The following ASIC4 variants were observed in gnomAD, a reference collection of about 807,000 sequenced individuals.
The protein encoded by ASIC4 is acid sensing ion channel subunit family member 4, also known as acid-sensing ion channel 4.
Under a neutral mutation model 53.4 loss-of-function variants are expected in ASIC4, and 28 were observed. The ratio of observed to expected loss-of-function variants is 0.52; its 90% CI spans 0.39 to 0.72. The LOEUF (loss-of-function observed/expected upper bound fraction) is 0.72, where lower values mean the gene tolerates loss of function less well. Ranked by LOEUF, ASIC4 falls within the 30% of genes least tolerant of loss-of-function variation. The pLI is 0.00. For synonymous variants in ASIC4, 289 were observed against 301.4 expected, an observed-to-expected ratio of 0.96 and a Z score of 0.43; for missense variants, 649 against 729.7, an observed-to-expected ratio of 0.89 and a Z score of 1.27.
intron 1 of ASIC4, among the ~76,000 whole-genome samples, chr2:219,530,184 G>T (rs1695018906): frequency 6.6e-6 from 1 of 152,228 alleles, no homozygotes; most frequent in Non-Finnish European, 1.5e-5. Context: ...TGCTGCCTGT[G>T]ATGGGTTTGA....
At chr2:219,514,270 CTGACGCCCG>C, upstream of ASIC4, 1 of 1,462,678 alleles carries the variant, frequency 6.8e-7, no homozygotes, top group East Asian at 2.5e-5. Flanking sequence ...GGCCTGGCTC[CTGACGCCCG>C]TGCTGCCGGT....
At chr2:219,532,179 C>T in intron 3 of ASIC4, 51 bp downstream of exon 3, 3 of 1,609,802 alleles carry the variant, frequency 1.9e-6, no homozygotes, top group Non-Finnish European at 2.5e-6. Context: ...CGCCTTTGGG[C>T]TCAGAGGGGA....
Position 219,537,833 on chromosome 2 carries a change from G to A in ASIC4, c.1506+97G>A. The A allele has an allele frequency of 6.7e-7, 1 of 1,502,860 alleles. No individual in the cohort carries two copies. Among genetic ancestry groups the A allele is most frequent in the Non-Finnish European group, 9.1e-7 (1 of 1,099,700 alleles). The allele number at this position is 1,502,860 out of a possible 1,614,324, so 93.1% of individuals were successfully genotyped here. ...GAACCAGCCTGTGGAGGGGGCCCTG[G>A]AGCCTCTGCCCGAGGTGACAAGGAA... is the stretch of plus-strand genomic sequence containing the variant. On this transcript the variant is annotated intron_variant, in intron 9 of 9. Coordinates refer to ENST00000358078, the MANE Select transcript of ASIC4 (RefSeq NM_018674.6). This position sits in a 1 kb window ranked among gnomAD's most constrained non-coding sequence, Gnocchi z 4.9.
chr2:219,532,564 G>A (rs1390724817), intron 4 of ASIC4, 87 bp downstream of exon 4: 1 of 1,501,044 alleles, frequency 6.7e-7, no homozygotes, highest in Non-Finnish European at 9.0e-7. Context: ...ATGTGCACAG[G>A]CAGGTGCATG....
Position 219,514,749 on chromosome 2 carries a change from A to C in ASIC4, c.25A>C (p.Ile9Leu), listed in dbSNP as rs746222302. 1 of 1,613,562 alleles carries C rather than the reference A, an allele frequency of 6.2e-7. No individual in the cohort carries two copies. The highest frequency in any genetic ancestry group is 8.5e-7 in the Non-Finnish European group (1 of 1,179,980). MPIEIVCK[I>L]KFAEEDAKPK... ...GATGCCGATCGAGATTGTGTGCAAA[A>C]TCAAATTTGCTGAGGAGGATGCGAA... Residue 9 changes from isoleucine to leucine, a missense_variant, in exon 1 of 10, where the codon ATC becomes CTC. Physicochemically the swap from Ile to Leu is conservative, Grantham distance 5. Transcript: ENST00000358078.
At chr2:219,526,480 G>C (rs1028757837) in intron 1 of ASIC4, among the ~76,000 whole-genome samples, 1 of 152,154 alleles carries the variant, frequency 6.6e-6, no homozygotes, top group Non-Finnish European at 1.5e-5. Context: ...AAAAGGTCAG[G>C]GGGCATCCAG....
At chr2:219,527,127 G>A (rs1393824969) in intron 1 of ASIC4, among the ~76,000 whole-genome samples, 3 of 152,178 alleles carry the variant, frequency 2.0e-5, no homozygotes, top group South Asian at 2.1e-4. Flanking sequence ...CTGCCGTGCC[G>A]TCTCCATGGA....
chr2:219,516,085 G>A lies in ASIC4; in HGVS notation c.582+779G>A, dbSNP rs143983312. On this transcript the variant is annotated intron_variant, in intron 1 of 9. Coordinates refer to ENST00000358078, the MANE Select transcript of ASIC4 (RefSeq NM_018674.6). This position sits in a 1 kb window ranked among gnomAD's most constrained non-coding sequence, Gnocchi z 4.9. ...CATGCACACATGCACACGCACACAC[G>A]CACACGCACTGCTGGGGGACACAGT... Among the ~76,000 whole-genome samples, 65 of 152,118 alleles carry A rather than the reference G, an allele frequency of 4.3e-4. No homozygotes were observed. The highest frequency in any genetic ancestry group is 1.2e-3 in the African/African-American group (49 of 41,470).
rs200675297 is a variant in ASIC4 at position 219,514,843 on chromosome 2, G to A, written c.119G>A (p.Arg40Gln). The stretch of plus-strand genomic sequence containing the variant: ...GCTGTTGCCCCTGGAGCAGCCCCCC[G>A]AGACCTGGCCACCTTTGCCAGCACC... Reference protein sequence around the residue: ...LGAVAPGAAPRDLATFASTST... With the variant: ...LGAVAPGAAPQDLATFASTST... Residue 40 changes from arginine (R) to glutamine (Q), a missense_variant, in exon 1 of 10, where the codon CGA (arginine) becomes CAA (glutamine). Coordinates refer to ENST00000358078, the MANE Select transcript of ASIC4 (RefSeq NM_018674.6). 73 of 1,612,958 alleles carry A rather than the reference G, an allele frequency of 4.5e-5. No individual in the cohort carries two copies. Among genetic ancestry groups the A allele is most frequent in the Non-Finnish European group, 5.7e-5 (67 of 1,179,940 alleles).
Position 219,537,328 on chromosome 2 carries a change from G to A in ASIC4, c.1401+7G>A. ...CCTCGACTACATCTATGAGGCAAGG[G>A]CCCTGGAGAAGGCAGGGTGGGAGTG... On this transcript the variant is annotated splice_region_variant and intron_variant, in intron 8 of 9. Transcript: ENST00000358078. The surrounding 1 kb of genome is among the most constrained non-coding windows in gnomAD (Gnocchi z 4.9). The A allele has an allele frequency of 1.2e-6, 2 of 1,611,218 alleles. No homozygotes were observed. Among genetic ancestry groups the A allele is most frequent in the Non-Finnish European group, 8.5e-7 (1 of 1,178,986 alleles).
chr2:219,522,731 C>T (rs1218790460), intron 1 of ASIC4, among the ~76,000 whole-genome samples: 1 of 152,088 alleles, frequency 6.6e-6, no homozygotes, highest in African/African-American at 2.4e-5. Flanking sequence ...CCCCGTCGCC[C>T]CCTCCCCGGC....
chr2:219,527,126 C>T (rs1468867322), intron 1 of ASIC4, among the ~76,000 whole-genome samples: 1 of 152,198 alleles, frequency 6.6e-6, no homozygotes, highest in Non-Finnish European at 1.5e-5. Context: ...GCTGCCGTGC[C>T]GTCTCCATGG....
At chr2:219,535,110 TG>T in intron 5 of ASIC4, 60 bp from the exon 6 acceptor site, 5 of 1,562,278 alleles carry the variant, frequency 3.2e-6, no homozygotes, top group East Asian at 4.5e-5. Flanking sequence ...TCTCTGCAGC[TG>T]GTGGGCCACT....
At chr2:219,510,663 G>T (rs867414683), upstream of ASIC4, among the ~76,000 whole-genome samples, 11 of 152,292 alleles carry the variant, frequency 7.2e-5, no homozygotes, top group South Asian at 4.1e-4. The surrounding 1 kb of genome is among the most constrained non-coding windows in gnomAD (Gnocchi z 5.2). Flanking sequence ...CCTTGGCTTG[G>T]GAGTACCCGA....
At position 219,536,485 on chromosome 2, in the gene ASIC4, C is replaced by T. The variant is rs1202421044; in HGVS notation, c.1230-581C>T. On this transcript the variant is annotated intron_variant, in intron 6 of 9. Transcript: ENST00000358078. The surrounding 1 kb of genome is among the most constrained non-coding windows in gnomAD (Gnocchi z 4.6). ...CACGTTTGATCATGTAGGACTGATTCTCAGGCCCCAGTCGGGGAGTGAAGC... is the reference window on the plus strand; with the variant it reads ...CACGTTTGATCATGTAGGACTGATTTTCAGGCCCCAGTCGGGGAGTGAAGC... Among the ~76,000 whole-genome samples the T allele has an allele frequency of 1.3e-5, 2 of 152,176 alleles. No individual in the cohort carries two copies. Among genetic ancestry groups the T allele is most frequent in the Non-Finnish European group, 2.9e-5 (2 of 68,040 alleles).
Position 219,537,797 on chromosome 2 carries a change from CCATT to C in ASIC4, c.1506+62_1506+65del. The C allele has an allele frequency of 9.7e-6, 15 of 1,544,918 alleles. No homozygotes were observed. Among genetic ancestry groups the C allele is most frequent in the South Asian group, 7.0e-5 (6 of 86,068 alleles). Reference sequence around the variant, plus strand: ...CACACCTCCCCAGGACTGAATACATCCATTGTTTCTGAACCAGCCTGTGGAGGGG... The same window carrying C: ...CACACCTCCCCAGGACTGAATACATCGTTTCTGAACCAGCCTGTGGAGGGG... On this transcript the variant is annotated intron_variant, in intron 9 of 9. Coordinates refer to ENST00000358078, the MANE Select transcript of ASIC4 (RefSeq NM_018674.6). The surrounding 1 kb of genome is among the most constrained non-coding windows in gnomAD (Gnocchi z 4.9).
upstream of ASIC4, chr2:219,514,155 TG>T: frequency 4.5e-6 from 3 of 670,294 alleles, no homozygotes; most frequent in Non-Finnish European, 7.2e-6. Flanking sequence ...GGCCAGGAAG[TG>T]GGGAGATCTG....
At chr2:219,523,504 C>T (rs1229134009) in intron 1 of ASIC4, among the ~76,000 whole-genome samples, 2 of 152,202 alleles carry the variant, frequency 1.3e-5, no homozygotes, top group East Asian at 1.9e-4. Context: ...CCCTGAAAAG[C>T]TCATGGGTGG....
chr2:219,526,961 G>A (rs1694970915), intron 1 of ASIC4, among the ~76,000 whole-genome samples: 1 of 152,186 alleles, frequency 6.6e-6, no homozygotes. Flanking sequence ...GTGATCTGGA[G>A]ATAGCCCCTC....
Sources: gnomAD v4.1 joint callset for allele counts (sites outside exome capture counted in the v4.1 genomes callset) on GRCh38, gnomAD v4.1.1 for gene constraint, Gnocchi (gnomAD v3.1) non-coding constraint, MANE v1.5 for transcripts, NCBI Gene and HGNC (gene_info 2026-07-23, HGNC 2026-07-21) for gene names.